The following FRY variants were observed in gnomAD, a reference collection of about 807,000 sequenced individuals.
The protein encoded by FRY is FRY microtubule binding protein, also known as protein furry homolog.
A neutral mutation model predicts 348.4 loss-of-function variants in FRY; 128 were observed. The ratio of observed to expected loss-of-function variants is 0.37; its 90% CI spans 0.32 to 0.43. The LOEUF (loss-of-function observed/expected upper bound fraction) is 0.43, where lower values mean the gene tolerates loss of function less well. Ranked by LOEUF, FRY falls within the 20% of genes least tolerant of loss-of-function variation. The pLI, the probability that FRY is intolerant of heterozygous loss-of-function variation, is 1.00. For synonymous variants in FRY, 1,370 were observed against 1,374.7 expected, an observed-to-expected ratio of 1.00 and a Z score of 0.08; for missense variants, 2,736 against 3,695.2, an observed-to-expected ratio of 0.74 and a Z score of 6.73.
intron 4 of FRY, among the ~76,000 whole-genome samples, chr13:32,123,458 G>A (rs1257240063): frequency 6.6e-6 from 1 of 152,128 alleles, no homozygotes; most frequent in African/African-American, 2.4e-5. Flanking sequence ...GGCAAAAAAT[G>A]TAAGAGAAAA....
intron 1 of FRY, among the ~76,000 whole-genome samples, chr13:32,062,340 T>C (rs1206158437): frequency 1.3e-5 from 2 of 152,158 alleles, no homozygotes; most frequent in Non-Finnish European, 1.5e-5. Flanking sequence ...TGACCGTTAG[T>C]GTATTTTGGC....
chr13:32,065,219 G>A (rs923092601), intron 1 of FRY, among the ~76,000 whole-genome samples: 1 of 152,192 alleles, frequency 6.6e-6, no homozygotes, highest in Non-Finnish European at 1.5e-5. Flanking sequence ...AGGATAATAT[G>A]TAACATATTG....
chr13:32,267,775 A>C (rs892685934), intron 55 of FRY, among the ~76,000 whole-genome samples: 33 of 152,050 alleles, frequency 2.2e-4, no homozygotes, highest in Non-Finnish European at 4.7e-4. Flanking sequence ...TTAGCATGCC[A>C]GCCATAGCTG....
At chr13:32,183,151 A>C (rs554347345) in intron 24 of FRY, 117 bp downstream of exon 24, 1 of 621,980 alleles carries the variant, frequency 1.6e-6, no homozygotes, top group South Asian at 2.0e-5. Flanking sequence ...TTAACAAATG[A>C]ATCTTTATAT....
intron 16 of FRY, among the ~76,000 whole-genome samples, chr13:32,160,796 G>A (rs11842391): frequency 0.044 from 6,715 of 152,292 alleles, 156 homozygotes; most frequent in South Asian, 0.054. Context: ...TTTAAATGCT[G>A]AATGAAATAC....
In FRY at chr13:32,248,220, T is replaced by C. The variant is rs138746376; in HGVS notation, c.7008+718T>C. Among the ~76,000 whole-genome samples the C allele has an allele frequency of 2.6e-5, 4 of 152,310 alleles. No homozygotes were observed. The East Asian group carries it at 7.7e-4, about 29-fold the overall frequency. ...GGGCTCAGTACAACATCTGGTGCATTAGTAGATCACTAGTAAATATTTCCA... is the reference window on the plus strand; with the variant it reads ...GGGCTCAGTACAACATCTGGTGCATCAGTAGATCACTAGTAAATATTTCCA... On this transcript the variant is annotated intron_variant, in intron 48 of 60. Coordinates refer to ENST00000542859, the MANE Select transcript of FRY (RefSeq NM_023037.3).
intron 16 of FRY, among the ~76,000 whole-genome samples, chr13:32,160,149 C>CA (rs1264769175): frequency 6.6e-6 from 1 of 152,174 alleles, no homozygotes; most frequent in African/African-American, 2.4e-5. Flanking sequence ...TTAGATTACA[C>CA]AGAGGATTGA....
At chr13:32,066,440 A>G (rs911460813) in intron 1 of FRY, among the ~76,000 whole-genome samples, 2 of 152,204 alleles carry the variant, frequency 1.3e-5, no homozygotes, top group African/African-American at 2.4e-5. Context: ...ACTCCCAGGT[A>G]TACATCCCTA....
At chr13:32,200,143 T>C (rs1883923497) in intron 29 of FRY, among the ~76,000 whole-genome samples, 1 of 152,194 alleles carries the variant, frequency 6.6e-6, no homozygotes, top group Non-Finnish European at 1.5e-5. Flanking sequence ...AATCCATTCA[T>C]GAGGGCAGTC....
intron 1 of FRY, among the ~76,000 whole-genome samples, chr13:32,039,153 C>T (rs116898551): frequency 1.2e-3 from 189 of 152,198 alleles, no homozygotes; most frequent in Non-Finnish European, 2.2e-3. Flanking sequence ...ATCAGAGAAC[C>T]ATCAGAAGTA....
At chr13:32,067,980 C>T (rs888404928) in intron 1 of FRY, among the ~76,000 whole-genome samples, 2 of 152,228 alleles carry the variant, frequency 1.3e-5, no homozygotes, top group South Asian at 4.1e-4. Flanking sequence ...CCCAGGGCAG[C>T]AGCACCAGCA....
chr13:32,184,572 G>C (rs751915555), intron 24 of FRY, 28 bp from the exon 25 acceptor site: 1 of 1,396,874 alleles, frequency 7.2e-7, no homozygotes, highest in Non-Finnish European at 1.0e-6. Context: ...GCCTGTGTCT[G>C]TAAGTGATAC....
At chr13:32,050,140 T>G (rs1249337756) in intron 1 of FRY, among the ~76,000 whole-genome samples, 2 of 152,202 alleles carry the variant, frequency 1.3e-5, no homozygotes, top group African/African-American at 4.8e-5. Context: ...TTTGGTTTTG[T>G]TTTTCAAGGA....
At chr13:32,227,111 A>G (rs1478790172) in intron 39 of FRY, among the ~76,000 whole-genome samples, 1 of 152,234 alleles carries the variant, frequency 6.6e-6, no homozygotes, top group Admixed American at 6.5e-5. Context: ...ATATGGTATA[A>G]ATGATTTAAA....
At chr13:32,231,835 G>A (rs372681621) in intron 41 of FRY, among the ~76,000 whole-genome samples, 10 of 152,142 alleles carry the variant, frequency 6.6e-5, no homozygotes, top group African/African-American at 2.2e-4. Context: ...GTCCAAGTTG[G>A]CCTGGGCTGA....
chr13:32,079,011 G>A lies in FRY; in HGVS notation c.248G>A (p.Arg83His), dbSNP rs1875296203. 1.1e-5 allele frequency: 17 copies of A among 1,613,230 alleles called. No individual in the cohort carries two copies. Among genetic ancestry groups the A allele is most frequent in the Non-Finnish European group, 1.4e-5 (17 of 1,179,260 alleles). ...NFTTQAERKI[R>H]IIMAEPLEKP... ...ACCACTCAGGCTGAACGCAAGATTC[G>A]TATCATTATGGCAGAGCCCCTGGTG... is the stretch of plus-strand genomic sequence containing the variant. Residue 83 changes from arginine to histidine, a missense_variant, in exon 2 of 61, where the codon CGT becomes CAT. This residue lies in a region of FRY where 309 missense variants were observed against 418.1 expected (regional missense o/e 0.74). Transcript: ENST00000542859.
intron 42 of FRY, among the ~76,000 whole-genome samples, chr13:32,235,066 T>C (rs1319230338): frequency 2.0e-5 from 3 of 152,208 alleles, no homozygotes; most frequent in African/African-American, 4.8e-5. Flanking sequence ...GATTATTTTG[T>C]ATAGTTTGGG....
intron 49 of FRY, among the ~76,000 whole-genome samples, chr13:32,250,198 T>C (rs1321135924): frequency 6.6e-6 from 1 of 152,270 alleles, no homozygotes; most frequent in Non-Finnish European, 1.5e-5. Flanking sequence ...TTCTCTGTAG[T>C]TCTGTCATCA....
At chr13:32,130,009 A>G (rs898601218) in intron 7 of FRY, among the ~76,000 whole-genome samples, 26 of 147,654 alleles carry the variant, frequency 1.8e-4, no homozygotes, top group African/African-American at 6.0e-4. Flanking sequence ...CCGGGACTCT[A>G]TTAGTTCACC....
Sources: gnomAD v4.1 joint callset for allele counts (sites outside exome capture counted in the v4.1 genomes callset) on GRCh38, gnomAD v4.1.1 for gene constraint, gnomAD v4.1.1 regional missense constraint, MANE v1.5 for transcripts, NCBI Gene and HGNC (gene_info 2026-07-23, HGNC 2026-07-21) for gene names.